Variants in DNMT3A observed in about 807,000 individuals in gnomAD.
DNMT3A encodes the protein DNA (cytosine-5)-methyltransferase 3A.
Under a neutral mutation model 117.6 loss-of-function variants are expected in DNMT3A, and 267 were observed. The observed-to-expected ratio is 2.27, with a 90% CI of 2.05 to 2.51. DNMT3A has a LOEUF of 2.51. DNMT3A is among the 30% of genes most tolerant of loss of function. DNMT3A has a pLI of 0.00. For synonymous variants in DNMT3A, 432 were observed against 474.8 expected (o/e 0.91, Z 1.17); for missense variants, 1,029 against 1,260.2 (o/e 0.82, Z 2.78).
At chr2:25,246,107 C>A (rs1420296664) in intron 11 of DNMT3A, 43 bp from the exon 12 acceptor site, 1 of 1,614,224 alleles carries the variant, frequency 6.2e-7, no homozygotes, top group South Asian at 1.1e-5. Flanking sequence ...GCCGCGCCTG[C>A]TCCTCGGATG....
chr2:25,334,555 T>C (rs1198961443), intron 1 of DNMT3A, among the ~76,000 whole-genome samples: 2 of 152,254 alleles, frequency 1.3e-5, no homozygotes, highest in Non-Finnish European at 1.5e-5. Context: ...CCCATCAGAC[T>C]GATGCTTTTG....
chr2:25,326,844 C>T (rs564364053), intron 1 of DNMT3A, among the ~76,000 whole-genome samples: 5 of 152,330 alleles, frequency 3.3e-5, no homozygotes, highest in African/African-American at 9.6e-5. Context: ...TCCAGCAACA[C>T]GTCAGTCAGG....
chr2:25,262,617 G>A (rs928234029), intron 6 of DNMT3A, among the ~76,000 whole-genome samples: 1 of 152,126 alleles, frequency 6.6e-6, no homozygotes, highest in African/African-American at 2.4e-5. Context: ...AAGGCCAAAT[G>A]TAATGTTCTC....
chr2:25,313,973 C>T lies in DNMT3A; in HGVS notation c.12G>A (p.Met4Ile), dbSNP rs1457508951. 3 of 1,545,512 alleles carry T rather than the reference C, an allele frequency of 1.9e-6. No individual in the cohort carries two copies. The highest frequency in any genetic ancestry group is 2.4e-5 in the East Asian group (1 of 41,344). The part of the protein sequence containing the change: MPA[M>I]PSSGPGDTSS... ...TGGTGTCCCCGGGGCCGCTGGAGGG[C>T]ATGGCGGGCATCTGGGCGCCGGGAG... The change falls in exon 2 of 23, where the codon ATG (methionine) becomes ATA (isoleucine). Residue 4 changes from methionine (M) to isoleucine (I), a missense_variant. Met to Ile is a conservative substitution (Grantham distance 10). Coordinates refer to ENST00000321117, the MANE Select transcript of DNMT3A (RefSeq NM_022552.5).
rs539393321 is a variant in DNMT3A, at chr2:25,297,801, C to T, written c.177+2338G>A. Among the ~76,000 whole-genome samples the T allele has an allele frequency of 8.5e-5, 13 of 152,338 alleles. No individual in the cohort carries two copies. The East Asian group carries it at 2.1e-3, about 25-fold the overall frequency. On this transcript the variant is annotated intron_variant, in intron 3 of 22. Transcript: ENST00000321117. Reference sequence around the variant, plus strand: ...CTGGGATTACAGGCATGAGCCACTGCGCCTGGCCCAGCCTGCACATTTGGA... The same window carrying T: ...CTGGGATTACAGGCATGAGCCACTGTGCCTGGCCCAGCCTGCACATTTGGA...
rs1193384741 is a variant in DNMT3A at position 25,340,944 on chromosome 2, C to T, written c.-178+882G>A. On this transcript the variant is annotated intron_variant, in intron 1 of 22. Transcript: ENST00000321117. ...GCCACCGCGGCCGCCCGGGCACCCA[C>T]GGCCCGCGGTGGGGACAGGGAGGAG... Among the ~76,000 whole-genome samples the T allele has an allele frequency of 4.8e-5, 7 of 145,946 alleles. No individual in the cohort carries two copies. In the East Asian group the frequency reaches 1.4e-3, roughly 30 times the overall value.
chr2:25,302,932 G>A (rs1301291245), intron 2 of DNMT3A, among the ~76,000 whole-genome samples: 1 of 152,212 alleles, frequency 6.6e-6, no homozygotes, highest in Non-Finnish European at 1.5e-5. Context: ...CTAGTTACAG[G>A]AGCAGCCTCT....
chr2:25,300,607 A>AAAT (rs1400382632), intron 2 of DNMT3A, among the ~76,000 whole-genome samples: 2 of 7,930 alleles, frequency 2.5e-4, no homozygotes, highest in African/African-American at 4.5e-4. Flanking sequence ...ATATATATCT[A>AAAT]AATAATATAT....
intron 19 of DNMT3A, chr2:25,239,459 T>C: frequency 1.6e-6 from 1 of 618,826 alleles, no homozygotes; most frequent in South Asian, 1.5e-5. Flanking sequence ...GGTTGTCCTC[T>C]ACACTGTTCA....
chr2:25,297,541 C>T (rs140819567), intron 3 of DNMT3A, among the ~76,000 whole-genome samples: 190 of 145,256 alleles, frequency 1.3e-3, no homozygotes, highest in African/African-American at 4.8e-3. Context: ...GACAGAGTCT[C>T]GCTCTGTTGC....
rs2035252251 is a variant in DNMT3A, at chr2:25,337,321, A to G, written c.-178+4505T>C. Among the ~76,000 whole-genome samples, 1 of 152,200 alleles carries G rather than the reference A, an allele frequency of 6.6e-6. No individual in the cohort carries two copies. Among genetic ancestry groups the G allele is most frequent in the Non-Finnish European group, 1.5e-5 (1 of 68,030 alleles). ...CAGGAAGGTGGACGAGGCTTCTTAG[A>G]GCACTTCCTGCAGTGCTAGTCCACG... is the stretch of plus-strand genomic sequence containing the variant. On this transcript the variant is annotated intron_variant, in intron 1 of 22. Transcript: ENST00000321117. The surrounding 1 kb of genome is among the most constrained non-coding windows in gnomAD (Gnocchi z 5.0).
intron 2 of DNMT3A, among the ~76,000 whole-genome samples, chr2:25,302,604 G>A (rs2033581373): frequency 1.3e-5 from 2 of 152,192 alleles, no homozygotes; most frequent in African/African-American, 4.8e-5. Context: ...GAGCCTTCAT[G>A]AGGGCTCAGG....
Position 25,294,109 on chromosome 2 carries a change from C to T in DNMT3A, c.177+6030G>A, listed in dbSNP as rs372596804. Among the ~76,000 whole-genome samples the T allele has an allele frequency of 2.0e-5, 3 of 152,186 alleles. No individual in the cohort carries two copies. Among genetic ancestry groups the T allele is most frequent in the Admixed American group, 1.3e-4 (2 of 15,266 alleles). On this transcript the variant is annotated intron_variant, in intron 3 of 22. Transcript: ENST00000321117. The surrounding 1 kb of genome is among the most constrained non-coding windows in gnomAD (Gnocchi z 4.7). ...CCTCCACACCCAGCTCAGCTGGGGTCGGGGGTGCCTCTCACTTTCCCCTTG... is the reference window on the plus strand; with the variant it reads ...CCTCCACACCCAGCTCAGCTGGGGTTGGGGGTGCCTCTCACTTTCCCCTTG...
chr2:25,341,909 G>A lies in DNMT3A; in HGVS notation c.-261C>T, dbSNP rs1005462880. The A allele has an allele frequency of 3.1e-6, 3 of 978,714 alleles. No homozygotes were observed. Among genetic ancestry groups the A allele is most frequent in the South Asian group, 4.5e-5 (1 of 21,984 alleles). The allele number at this position is 978,714 out of a possible 1,614,324, so 60.6% of individuals were successfully genotyped here. A position where few individuals can be genotyped will look rare whatever the true frequency, so the allele number is the denominator to read the frequency against. ...TCCCGGCTCGTCCTCTGCTCTCGCC[G>A]CCGCCGCCGCCCGCGCGCCCTCCCT... On this transcript the variant is annotated 5_prime_UTR_variant, in exon 1 of 23. Transcript: ENST00000321117.
chr2:25,246,159 CCTCTTGTG>C lies in DNMT3A; in HGVS notation c.1422_1429del (p.Thr475AlafsTer14). On this transcript the variant is annotated frameshift_variant and splice_region_variant, in exon 11 of 23. Coordinates refer to ENST00000321117, the MANE Select transcript of DNMT3A (RefSeq NM_022552.5). LOFTEE classifies it high-confidence loss of function. Reference sequence around the variant, plus strand: ...ACCCTCTCCAGAAGCAGGCCAACTACCTCTTGTGCGCTCATCAATAATCTCCTTGACCT... The same window carrying C: ...ACCCTCTCCAGAAGCAGGCCAACTACCGCTCATCAATAATCTCCTTGACCT... 1 of 1,613,992 alleles carries C rather than the reference CCTCTTGTG, an allele frequency of 6.2e-7. No homozygotes were observed. Among genetic ancestry groups the C allele is most frequent in the Non-Finnish European group, 8.5e-7 (1 of 1,179,884 alleles).
chr2:25,245,182 G>A, intron 13 of DNMT3A, 71 bp downstream of exon 13: 1 of 1,460,660 alleles, frequency 6.8e-7, no homozygotes, highest in South Asian at 1.2e-5. Context: ...CCCAGAAGCG[G>A]TGGACACAGT....
At position 25,281,812 on chromosome 2, in the gene DNMT3A, G is replaced by C; in HGVS notation, c.448+629C>G. The C allele has an allele frequency of 9.4e-7, 1 of 1,066,276 alleles. No individual in the cohort carries two copies. The highest frequency in any genetic ancestry group is 4.9e-5 in the East Asian group (1 of 20,294). 66.1% of individuals were successfully genotyped at this position (1,066,276 alleles called of 1,614,324 possible). A position where few individuals can be genotyped will look rare whatever the true frequency, so the allele number is the denominator to read the frequency against. On this transcript the variant is annotated intron_variant, in intron 4 of 22. Transcript: ENST00000321117. This position sits in a 1 kb window ranked among gnomAD's most constrained non-coding sequence, Gnocchi z 4.8. ...GGGTTAGGCCAAAAAGTCCCCAGAT[G>C]AAGAGGCCTGGGCTGGGCAGTACAC...
At position 25,314,480 on chromosome 2, in the gene DNMT3A, TC is replaced by T. The variant is rs559197689; in HGVS notation, c.-177-320del. 1.9e-4 allele frequency: 185 copies of T among 985,250 alleles called. 1 individual carries two copies. The African/African-American group carries it at 3.0e-3, about 16-fold the overall frequency. 61.0% of individuals were successfully genotyped at this position (985,250 alleles called of 1,614,324 possible). A position where few individuals can be genotyped will look rare whatever the true frequency, so the allele number is the denominator to read the frequency against. On this transcript the variant is annotated intron_variant, in intron 1 of 22. Coordinates refer to ENST00000321117, the MANE Select transcript of DNMT3A (RefSeq NM_022552.5). ...ACAGCCTCTCTCTCCTTTGAAAGCTTCCCGCATCCTCCCTCCCACCCCAACC... is the reference window on the plus strand; with the variant it reads ...ACAGCCTCTCTCTCCTTTGAAAGCTTCCGCATCCTCCCTCCCACCCCAACC...
At chr2:25,313,831 AT>A in intron 2 of DNMT3A, 81 bp downstream of exon 2, 1 of 1,544,466 alleles carries the variant, frequency 6.5e-7, no homozygotes, top group Non-Finnish European at 8.7e-7. Context: ...TGCACTCAGT[AT>A]GAGGAGCCGG....
Sources: allele counts gnomAD v4.1 joint callset (sites outside exome capture counted in the v4.1 genomes callset), GRCh38; gene constraint gnomAD v4.1.1; non-coding constraint Gnocchi (gnomAD v3.1); transcripts MANE v1.5; gene names NCBI Gene and HGNC (gene_info 2026-07-23, HGNC 2026-07-21).